ZNF76: variants seen among roughly 807,000 people sequenced by gnomAD.
ZNF76 encodes zinc finger protein 523.
ZNF76 carries 66 observed loss-of-function variants against 66.9 expected under a neutral mutation model. The observed-to-expected ratio is 0.99, with a 90% CI of 0.81 to 1.21. ZNF76 has a LOEUF of 1.21. Among genes scored for constraint, ZNF76 ranks in the 50% most tolerant of loss-of-function variants. The pLI is 0.00. For synonymous variants in ZNF76, 275 were observed against 296.1 expected (o/e 0.93, Z 0.73); for missense variants, 729 against 760.3 (o/e 0.96, Z 0.48).
chr6:35,274,640 G>A (rs1787616253), intron 1 of ZNF76, among the ~76,000 whole-genome samples: 2 of 152,178 alleles, frequency 1.3e-5, no homozygotes, highest in African/African-American at 4.8e-5. Flanking sequence ...CAAGAGGATC[G>A]CTTGAGCCCA....
At chr6:35,280,762 C>T (rs1338775508) in intron 1 of ZNF76, among the ~76,000 whole-genome samples, 1 of 152,184 alleles carries the variant, frequency 6.6e-6, no homozygotes, top group Non-Finnish European at 1.5e-5. Flanking sequence ...GGTTAACTGC[C>T]TGCCTTCAGC....
rs1221240660 is a variant in ZNF76, at chr6:35,294,570, G to A, written c.1608+1G>A. On this transcript the variant is annotated splice_donor_variant, in intron 13 of 13. Coordinates refer to ENST00000373953, the MANE Select transcript of ZNF76 (RefSeq NM_003427.5). LOFTEE classifies it high-confidence loss of function. ...CAACGGAACGCACATTGCAGTGCAGGTGAGTAGAGATCTGGGAGGAAAGGG... is the reference window on the plus strand; with the variant it reads ...CAACGGAACGCACATTGCAGTGCAGATGAGTAGAGATCTGGGAGGAAAGGG... The A allele has an allele frequency of 8.7e-6, 14 of 1,606,694 alleles. 1 individual carries two copies. In the Admixed American group the frequency reaches 2.0e-4, roughly 23 times the overall value.
At position 35,292,966 on chromosome 6, in the gene ZNF76, C is replaced by A. The variant is rs1442425538; in HGVS notation, c.1251C>A (p.Ile417=). The A allele has an allele frequency of 1.2e-6, 2 of 1,614,092 alleles. No homozygotes were observed. Among genetic ancestry groups the A allele is most frequent in the African/African-American group, 2.7e-5 (2 of 74,932 alleles). The change falls in exon 11 of 14, where the codon ATC becomes ATA. Residue 417 remains isoleucine, a synonymous_variant. Transcript: ENST00000373953. The surrounding 1 kb of genome is among the most constrained non-coding windows in gnomAD (Gnocchi z 4.7). ...AGGTGAAGGAAGAGAGAGATGACATCCCAGCCCAGGTGGCGATGGTGACTG... is the reference window on the plus strand; with the variant it reads ...AGGTGAAGGAAGAGAGAGATGACATACCAGCCCAGGTGGCGATGGTGACTG... ...LSEVKEERDD[I]PAQVAMVTEE... is the part of the protein sequence containing the mutation.
chr6:35,281,411 A>G (rs1408174908), intron 2 of ZNF76, among the ~76,000 whole-genome samples, 187 bp downstream of exon 2: 1 of 152,152 alleles, frequency 6.6e-6, no homozygotes, highest in Non-Finnish European at 1.5e-5. Flanking sequence ...ATAAAATGCT[A>G]CAAGTCAGAC....
intron 2 of ZNF76, among the ~76,000 whole-genome samples, chr6:35,283,634 A>C (rs1470741335): frequency 6.6e-6 from 1 of 152,116 alleles, no homozygotes; most frequent in African/African-American, 2.4e-5. Flanking sequence ...TTGTTTGAGG[A>C]AATAGTAGGC....
rs1582151371 is a variant in ZNF76, at chr6:35,286,184, A to T, written c.130A>T (p.Ile44Phe). 1.2e-6 allele frequency: 2 copies of T among 1,614,168 alleles called. No individual in the cohort carries two copies. The highest frequency in any genetic ancestry group is 1.7e-6 in the Non-Finnish European group (2 of 1,180,032). ...GCTCGAGGATGGGACCACCGCATAC[A>T]TTCACCAGGTGACGGTACAGAAAGG... ...IQLEDGTTAYIHQVTVQKEAL... is the reference protein window; with the variant it reads ...IQLEDGTTAYFHQVTVQKEAL... Residue 44 changes from isoleucine (I) to phenylalanine (F), a missense_variant, in exon 3 of 14, where the codon ATT becomes TTT. Physicochemically the swap from Ile to Phe is conservative, Grantham distance 21 (BLOSUM62 0). Coordinates refer to ENST00000373953, the MANE Select transcript of ZNF76 (RefSeq NM_003427.5).
Position 35,292,301 on chromosome 6 carries a change from C to G in ZNF76, c.932-253C>G, listed in dbSNP as rs1790509648. 1.8e-6 allele frequency: 1 copy of G among 557,004 alleles called. No homozygotes were observed. The allele number at this position is 557,004 out of a possible 1,614,324, so 34.5% of individuals were successfully genotyped here. ...AAGCCCCAGTGCCCCCTACCAGCCCCTTCACTAGCCCCAGCCTTGCCCTGT... is the reference window on the plus strand; with the variant it reads ...AAGCCCCAGTGCCCCCTACCAGCCCGTTCACTAGCCCCAGCCTTGCCCTGT... On this transcript the variant is annotated intron_variant, in intron 9 of 13. Transcript: ENST00000373953. The surrounding 1 kb of genome is among the most constrained non-coding windows in gnomAD (Gnocchi z 4.7).
chr6:35,291,162 G>A, intron 7 of ZNF76, 116 bp from the exon 8 acceptor site: 1 of 1,397,422 alleles, frequency 7.2e-7, no homozygotes, highest in Non-Finnish European at 9.7e-7. Context: ...GTGGGATAGA[G>A]GCAGACATGG....
At chr6:35,295,038 T>G in intron 13 of ZNF76, 106 bp from the exon 14 acceptor site, 2 of 770,302 alleles carry the variant, frequency 2.6e-6, no homozygotes, top group Admixed American at 2.4e-5. Flanking sequence ...TGGCACTGGG[T>G]AGATGGGGGA....
chr6:35,266,856 A>G (rs1786192885), intron 1 of ZNF76, among the ~76,000 whole-genome samples: 1 of 123,382 alleles, frequency 8.1e-6, no homozygotes, highest in Admixed American at 1.1e-4. Context: ...GCTGAAGTGC[A>G]GTGGCGCCAT....
intron 13 of ZNF76, chr6:35,294,935 G>C (rs1033395744): frequency 1.0e-5 from 6 of 589,168 alleles, no homozygotes; most frequent in Admixed American, 9.0e-5. Context: ...TCTGACCCTG[G>C]CTATTCCAGG....
At chr6:35,277,081 G>T (rs1788027016) in intron 1 of ZNF76, among the ~76,000 whole-genome samples, 2 of 152,014 alleles carry the variant, frequency 1.3e-5, no homozygotes, top group South Asian at 4.2e-4. Context: ...TTACAGGCAT[G>T]AGCCACCGTG....
intron 5 of ZNF76, chr6:35,288,097 G>T (rs966192648): frequency 1.5e-6 from 1 of 665,482 alleles, no homozygotes. Flanking sequence ...TTTTGTTTAC[G>T]CTGTCTTTGC....
chr6:35,266,833 G>T (rs189778766), intron 1 of ZNF76, among the ~76,000 whole-genome samples: 5,202 of 113,454 alleles, frequency 0.046, 305 homozygotes, highest in East Asian at 0.35. Context: ...ACGGAGTCTC[G>T]CTCGTCACCC....
chr6:35,283,927 A>G (rs1228121100), intron 2 of ZNF76, among the ~76,000 whole-genome samples: 2 of 152,160 alleles, frequency 1.3e-5, no homozygotes, highest in Admixed American at 6.5e-5. Context: ...ACTGACCCCA[A>G]GAAGACTCAG....
intron 12 of ZNF76, 101 bp downstream of exon 12, chr6:35,294,016 A>G (rs1790824188): frequency 1.4e-6 from 2 of 1,388,564 alleles, no homozygotes; most frequent in Admixed American, 4.7e-5. Flanking sequence ...TCTTACCAGG[A>G]CAAAGATTCC....
In ZNF76 at chr6:35,292,017, A is replaced by G; in HGVS notation, c.931+280A>G. On this transcript the variant is annotated intron_variant, in intron 9 of 13. Transcript: ENST00000373953. The surrounding 1 kb of genome is among the most constrained non-coding windows in gnomAD (Gnocchi z 4.7). The stretch of plus-strand genomic sequence containing the variant: ...ACCCACCCTGAGTTCTCCAACTCTG[A>G]CTGAACTCTTGAAAAGAGGCCAGGG... 1 of 530,228 alleles carries G rather than the reference A, an allele frequency of 1.9e-6. No individual in the cohort carries two copies. The highest frequency in any genetic ancestry group is 3.2e-5 in the East Asian group (1 of 30,926). The allele number at this position is 530,228 out of a possible 1,614,324, so 32.8% of individuals were successfully genotyped here.
At position 35,290,641 on chromosome 6, in the gene ZNF76, G is replaced by T. The variant is rs769817759; in HGVS notation, c.550G>T (p.Val184Leu). 1 of 1,613,988 alleles carries T rather than the reference G, an allele frequency of 6.2e-7. No homozygotes were observed. The highest frequency in any genetic ancestry group is 1.3e-5 in the African/African-American group (1 of 74,910). Residue 184 changes from valine (V) to leucine (L), a missense_variant and splice_region_variant, in exon 7 of 14, where the codon GTG becomes TTG. Physicochemically the swap from Val to Leu is conservative, Grantham distance 32 (BLOSUM62 1). Coordinates refer to ENST00000373953, the MANE Select transcript of ZNF76 (RefSeq NM_003427.5). ...ATTATGTGATTGCTTGTCCTCACAG[G>T]TGCATGAACGAGCTCATACAGGTGA... ...RLYTTAHHLKVHERAHTGDRP... is the reference protein window; with the variant it reads ...RLYTTAHHLKLHERAHTGDRP...
rs1790642197 is a variant in ZNF76 at position 35,292,941 on chromosome 6, A to G, written c.1226A>G (p.Glu409Gly). Residue 409 changes from glutamate to glycine, a missense_variant, in exon 11 of 14, where the codon GAG becomes GGG. Physicochemically the swap from Glu to Gly is moderately conservative, Grantham distance 98. Transcript: ENST00000373953. The surrounding 1 kb of genome is among the most constrained non-coding windows in gnomAD (Gnocchi z 4.7). Reference protein sequence around the residue: ...PKRPRIAYLSEVKEERDDIPA... With the variant: ...PKRPRIAYLSGVKEERDDIPA... ...CGACCCCGGATAGCTTACCTTTCGG[A>G]GGTGAAGGAAGAGAGAGATGACATC... is the stretch of plus-strand genomic sequence containing the variant. 6.2e-7 allele frequency: 1 copy of G among 1,613,978 alleles called. No homozygotes were observed. The highest frequency in any genetic ancestry group is 8.5e-7 in the Non-Finnish European group (1 of 1,180,022).
Sources: gnomAD v4.1 joint callset for allele counts (sites outside exome capture counted in the v4.1 genomes callset) on GRCh38, gnomAD v4.1.1 for gene constraint, Gnocchi (gnomAD v3.1) non-coding constraint, MANE v1.5 for transcripts, NCBI Gene and HGNC (gene_info 2026-07-23, HGNC 2026-07-21) for gene names.